Variants in SCMH1 observed in about 807,000 individuals in gnomAD.
SCMH1 encodes the protein polycomb protein SCMH1.
In SCMH1, 37 loss-of-function variants were observed where a neutral mutation model predicts 70.8. That is an observed-to-expected ratio of 0.52 (90% CI 0.40 to 0.69). The LOEUF (loss-of-function observed/expected upper bound fraction) is 0.69, where lower values mean the gene tolerates loss of function less well. Ranked by LOEUF, SCMH1 falls within the 30% of genes least tolerant of loss-of-function variation. SCMH1 has a pLI of 0.00. For missense variants in SCMH1, 607 were observed against 827.3 expected (o/e 0.73, Z 3.27); for synonymous variants, 292 against 307.4 (o/e 0.95, Z 0.52).
intron 10 of SCMH1, among the ~76,000 whole-genome samples, chr1:41,054,336 A>C (rs971781962): frequency 1.3e-5 from 2 of 152,178 alleles, no homozygotes; most frequent in Non-Finnish European, 2.9e-5. Context: ...TGAAAGTATC[A>C]CCTGGCTTCT....
chr1:41,118,616 A>C (rs577962420), intron 6 of SCMH1, among the ~76,000 whole-genome samples: 2 of 152,366 alleles, frequency 1.3e-5, no homozygotes, highest in East Asian at 3.9e-4. Context: ...GACATTGGAA[A>C]GGATTGTCCT....
chr1:41,241,401 G>A (rs144821368), intron 1 of SCMH1, among the ~76,000 whole-genome samples: 2 of 152,292 alleles, frequency 1.3e-5, no homozygotes, highest in Non-Finnish European at 2.9e-5. Flanking sequence ...GCCCGTTTCC[G>A]GCGGGGCACT....
At chr1:41,233,275 CCTT>C (rs1392011089) in intron 1 of SCMH1, among the ~76,000 whole-genome samples, 2 of 152,120 alleles carry the variant, frequency 1.3e-5, no homozygotes, top group Non-Finnish European at 2.9e-5. Context: ...GTCTCTTTCA[CCTT>C]CTTGTCTATG....
chr1:41,142,996 A>G (rs1419160985), exon 6 of SCMH1: 1 of 1,614,152 alleles, frequency 6.2e-7, no homozygotes, highest in South Asian at 1.1e-5. Context: ...GGCGCAGGCG[A>G]AGGCGGGCAC....
intron 1 of SCMH1, among the ~76,000 whole-genome samples, chr1:41,226,703 T>C (rs1660332079): frequency 6.6e-6 from 1 of 152,200 alleles, no homozygotes; most frequent in African/African-American, 2.4e-5. Context: ...ACATGGTCCC[T>C]GCTATTCTGA....
chr1:41,164,486 C>T (rs1213603489), intron 2 of SCMH1, among the ~76,000 whole-genome samples: 1 of 152,078 alleles, frequency 6.6e-6, no homozygotes, highest in African/African-American at 2.4e-5. Flanking sequence ...AGGGTAAGAC[C>T]CTTCCACTTA....
chr1:41,131,839 G>A (rs1379854107), intron 6 of SCMH1, among the ~76,000 whole-genome samples: 2 of 152,206 alleles, frequency 1.3e-5, no homozygotes, highest in Non-Finnish European at 2.9e-5. Context: ...TGAGAATGAT[G>A]GTTTCCAGCT....
intron 1 of SCMH1, among the ~76,000 whole-genome samples, chr1:41,186,586 T>C (rs1262926361): frequency 6.6e-6 from 1 of 152,226 alleles, no homozygotes; most frequent in African/African-American, 2.4e-5. Context: ...TGGGCTGAAC[T>C]GTGTCTCCCC....
At chr1:41,122,415 T>C (rs1672173670) in intron 6 of SCMH1, among the ~76,000 whole-genome samples, 1 of 152,340 alleles carries the variant, frequency 6.6e-6, no homozygotes, top group Admixed American at 6.5e-5. Flanking sequence ...AAATCTATCC[T>C]GCTTCCTTCT....
chr1:41,037,397 C>G, exon 13 of SCMH1: 1 of 1,614,178 alleles, frequency 6.2e-7, no homozygotes, highest in Non-Finnish European at 8.5e-7. Context: ...TGAGGCAGTG[C>G]TTGGTGGGAG....
intron 2 of SCMH1, among the ~76,000 whole-genome samples, chr1:41,181,900 G>A (rs1037650584): frequency 3.3e-5 from 5 of 152,132 alleles, no homozygotes; most frequent in African/African-American, 7.2e-5. Flanking sequence ...ACATGCACAC[G>A]TATGTTTATT....
chr1:41,197,532 A>T (rs1653312579), intron 1 of SCMH1, among the ~76,000 whole-genome samples: 1 of 152,150 alleles, frequency 6.6e-6, no homozygotes, highest in Non-Finnish European at 1.5e-5. Context: ...GTTACCAGGG[A>T]ACTGGTGGAG....
At chr1:41,176,191 A>C (rs1461609115) in intron 2 of SCMH1, among the ~76,000 whole-genome samples, 20 of 69,142 alleles carry the variant, frequency 2.9e-4, no homozygotes, top group Admixed American at 1.5e-3. Flanking sequence ...AAAAAAAACA[A>C]AAAAAAAACA....
At chr1:41,039,432 C>T (rs138048640) in intron 12 of SCMH1, among the ~76,000 whole-genome samples, 74 of 151,950 alleles carry the variant, frequency 4.9e-4, no homozygotes, top group Admixed American at 3.7e-3. Flanking sequence ...GCTGATCAGA[C>T]GAGGCTCTCT....
At chr1:41,156,954 T>TATAAC (rs1491108000) in intron 4 of SCMH1, among the ~76,000 whole-genome samples, 3 of 4,796 alleles carry the variant, frequency 6.3e-4, no homozygotes, top group Non-Finnish European at 9.6e-4. Context: ...ATAAGCCAAC[T>TATAAC]TTTTTTTTTT....
At chr1:41,129,716 G>C (rs1479942137) in intron 6 of SCMH1, among the ~76,000 whole-genome samples, 1 of 152,076 alleles carries the variant, frequency 6.6e-6, no homozygotes, top group African/African-American at 2.4e-5. Flanking sequence ...TCAAATATCT[G>C]CCCAAGTCCC....
rs546753482 is a variant in SCMH1, at chr1:41,194,855, A to G, written c.-117-8605T>C. On this transcript the variant is annotated intron_variant, in intron 1 of 14. Coordinates refer to ENST00000337495, the Ensembl canonical transcript of SCMH1. Reference sequence around the variant, plus strand: ...TTGCAAACCTTTTCTATGAAGAGCCAGATAGGCTGGGCATGGTGGCTCATG... The same window carrying G: ...TTGCAAACCTTTTCTATGAAGAGCCGGATAGGCTGGGCATGGTGGCTCATG... Among the ~76,000 whole-genome samples, 290 of 152,226 alleles carry G rather than the reference A, an allele frequency of 1.9e-3. 2 individuals carry two copies. The highest frequency in any genetic ancestry group is 6.7e-3 in the African/African-American group (280 of 41,538).
chr1:41,228,058 C>T (rs1440643308), intron 1 of SCMH1, among the ~76,000 whole-genome samples: 1 of 152,106 alleles, frequency 6.6e-6, no homozygotes, highest in African/African-American at 2.4e-5. Context: ...TGCAAAGGTG[C>T]AATAGGCAGC....
At chr1:41,071,744 C>T (rs1656594838) in intron 9 of SCMH1, among the ~76,000 whole-genome samples, 1 of 152,036 alleles carries the variant, frequency 6.6e-6, no homozygotes, top group Non-Finnish European at 1.5e-5. Context: ...TTCACTGCGA[C>T]CTCCACCTCC....
Sources: gnomAD v4.1 joint callset for allele counts (sites outside exome capture counted in the v4.1 genomes callset) on GRCh38, gnomAD v4.1.1 for gene constraint, MANE v1.5 for transcripts, NCBI Gene and HGNC (gene_info 2026-07-23, HGNC 2026-07-21) for gene names.